Variants in MIDEAS observed in about 807,000 individuals in gnomAD.
The protein encoded by MIDEAS is mitotic deacetylase-associated SANT domain protein.
A neutral mutation model predicts 102.7 loss-of-function variants in MIDEAS; 26 were observed. The observed-to-expected ratio is 0.25, with a 90% CI of 0.19 to 0.35. MIDEAS has a LOEUF of 0.35. MIDEAS is among the 10% of genes least tolerant of loss of function. MIDEAS has a pLI of 1.00. For missense variants in MIDEAS, 1,231 were observed against 1,435.6 expected, an observed-to-expected ratio of 0.86 and a Z score of 2.30; for synonymous variants, 585 against 591.0, an observed-to-expected ratio of 0.99 and a Z score of 0.15.
At position 73,738,645 on chromosome 14, in the gene MIDEAS, C is replaced by T. The variant is rs1366821759; in HGVS notation, c.1364G>A (p.Arg455Gln). ...VLRGGVIQST[R>Q]RRRRASQEAN... ...CTCCTGGGATGCCCGGCGCCTCCGT[C>T]GCGTGCTCTGGATCACTCCGCCCCG... The change falls in exon 2 of 13, where the codon CGA becomes CAA. Residue 455 changes from arginine (R) to glutamine (Q), a missense_variant. Around this residue, in one of 5 missense-constraint regions of MIDEAS, gnomAD observed 758 missense variants for 856.0 expected, o/e 0.89. Transcript: ENST00000423556. The T allele has an allele frequency of 1.9e-6, 3 of 1,613,658 alleles. No homozygotes were observed. Among genetic ancestry groups the T allele is most frequent in the Non-Finnish European group, 2.5e-6 (3 of 1,179,848 alleles).
chr14:73,769,589 TTTTTG>T (rs71460918), intron 1 of MIDEAS, among the ~76,000 whole-genome samples: 65 of 150,160 alleles, frequency 4.3e-4, no homozygotes, highest in East Asian at 1.2e-3. Context: ...TGCAAGAGGG[TTTTTG>T]TTTTGTTTTG....
chr14:73,726,640 G>C lies in MIDEAS; in HGVS notation c.2373C>G (p.Ala791=), dbSNP rs1239429537. The C allele has an allele frequency of 1.9e-6, 3 of 1,614,230 alleles. No homozygotes were observed. The highest frequency in any genetic ancestry group is 2.5e-6 in the Non-Finnish European group (3 of 1,180,044). The change falls in exon 7 of 13, where the codon GCC becomes GCG. Residue 791 remains alanine, a synonymous_variant. Transcript: ENST00000423556. ...CTCTGGATTCGTGCAGACAGTGCAG[G>C]GCCAGCTCCTGGTTGGTGCCAGCAC... ...FPGAGTNQEL[A]LHCLHESRGD... is the part of the protein sequence containing the mutation.
At chr14:73,719,090 T>C in intron 12 of MIDEAS, 82 bp from the exon 13 acceptor site, 1 of 1,448,418 alleles carries the variant, frequency 6.9e-7, no homozygotes, top group South Asian at 1.5e-5. Flanking sequence ...GCCCCAGCCT[T>C]CACCTTCACC....
intron 1 of MIDEAS, among the ~76,000 whole-genome samples, chr14:73,744,264 C>G (rs2053320877): frequency 6.6e-6 from 1 of 152,240 alleles, no homozygotes; most frequent in Non-Finnish European, 1.5e-5. Context: ...AGCCAGAGAG[C>G]CATCACCACA....
At chr14:73,769,916 T>TG (rs2053627591) in intron 1 of MIDEAS, among the ~76,000 whole-genome samples, 4 of 148,440 alleles carry the variant, frequency 2.7e-5, no homozygotes, top group South Asian at 4.3e-4. Flanking sequence ...TTTTTTTTGT[T>TG]TTTTTTTTTT....
intron 3 of MIDEAS, among the ~76,000 whole-genome samples, chr14:73,735,929 G>A (rs1443412439): frequency 6.6e-6 from 1 of 152,178 alleles, no homozygotes. Flanking sequence ...GGCCAAGGCG[G>A]GCAGGTCACT....
chr14:73,751,479 A>G (rs976176203), intron 1 of MIDEAS, among the ~76,000 whole-genome samples: 1 of 152,168 alleles, frequency 6.6e-6, no homozygotes, highest in Non-Finnish European at 1.5e-5. Flanking sequence ...TTTGAAGGTG[A>G]AGAGGCTACA....
intron 1 of MIDEAS, among the ~76,000 whole-genome samples, chr14:73,753,590 G>A (rs543828038): frequency 5.9e-5 from 9 of 152,338 alleles, no homozygotes; most frequent in African/African-American, 2.2e-4. Flanking sequence ...TCCCTTGCTG[G>A]GTAGGGGTGG....
At chr14:73,726,153 C>T (rs777338633) in intron 7 of MIDEAS, 45 bp from the exon 8 acceptor site, 5 of 1,456,458 alleles carry the variant, frequency 3.4e-6, no homozygotes, top group Admixed American at 3.9e-5. Flanking sequence ...ACAGGGGTGT[C>T]GGTGGTGGAC....
intron 1 of MIDEAS, among the ~76,000 whole-genome samples, chr14:73,756,295 T>TGTGCGCGCGCGC (rs55692592): frequency 3.1e-5 from 4 of 127,626 alleles, no homozygotes; most frequent in South Asian, 5.4e-4. Context: ...TGTGTGTGTG[T>TGTGCGCGCGCGC]GCGCGCGCGC....
chr14:73,720,233 T>C (rs1281055348), intron 11 of MIDEAS, among the ~76,000 whole-genome samples: 1 of 145,860 alleles, frequency 6.9e-6, no homozygotes, highest in Admixed American at 7.1e-5. Context: ...ACTACACACA[T>C]TCCTTTTTTT....
chr14:73,718,010 G>C lies in MIDEAS; in HGVS notation c.*833C>G, dbSNP rs776119971. On this transcript the variant is annotated 3_prime_UTR_variant, in exon 13 of 13. Transcript: ENST00000423556. The stretch of plus-strand genomic sequence containing the variant: ...CCCTTGGCAGCCTCCAGGACCCAAA[G>C]GTATTCAGCCAAAAAGGTGGGAAGC... 1 of 152,394 alleles carries C rather than the reference G, an allele frequency of 6.6e-6. No homozygotes were observed. The highest frequency in any genetic ancestry group is 1.5e-5 in the Non-Finnish European group (1 of 68,182). 9.4% of individuals were successfully genotyped at this position (152,394 alleles called of 1,614,324 possible). A position where few individuals can be genotyped will look rare whatever the true frequency, so the allele number is the denominator to read the frequency against.
intron 7 of MIDEAS, 55 bp from the exon 8 acceptor site, chr14:73,726,163 C>T (rs1483422856): frequency 7.9e-6 from 11 of 1,400,160 alleles, no homozygotes; most frequent in South Asian, 3.7e-5. Context: ...CGGTGGTGGA[C>T]GGAGCATTCT....
upstream of MIDEAS, chr14:73,787,473 C>G (rs1378229505): frequency 6.6e-6 from 1 of 152,264 alleles, no homozygotes; most frequent in Non-Finnish European, 1.5e-5. Flanking sequence ...GAAGTGCGAT[C>G]CGGGGCCCCG....
At position 73,717,832 on chromosome 14, in the gene MIDEAS, C is replaced by T. The variant is rs2052914692; in HGVS notation, c.*1011G>A. 1 of 152,550 alleles carries T rather than the reference C, an allele frequency of 6.6e-6. No individual in the cohort carries two copies. Among genetic ancestry groups the T allele is most frequent in the African/African-American group, 2.4e-5 (1 of 41,426 alleles). 9.4% of individuals were successfully genotyped at this position (152,550 alleles called of 1,614,324 possible). A position where few individuals can be genotyped will look rare whatever the true frequency, so the allele number is the denominator to read the frequency against. On this transcript the variant is annotated 3_prime_UTR_variant, in exon 13 of 13. Transcript: ENST00000423556. ...CTCCCAGGGAAGGATCCAGAAATCT[C>T]CAAAGTGCAGGCCTGGGGGCTGGGT...
chr14:73,762,534 C>T (rs1011019946), upstream of MIDEAS, among the ~76,000 whole-genome samples: 3 of 152,174 alleles, frequency 2.0e-5, no homozygotes, highest in Admixed American at 1.3e-4. Context: ...CCAAATAGCC[C>T]CCCCTTGGCA....
chr14:73,737,070 A>G lies in MIDEAS; in HGVS notation c.1677T>C (p.Ala559=). 1 of 1,614,176 alleles carries G rather than the reference A, an allele frequency of 6.2e-7. No homozygotes were observed. The highest frequency in any genetic ancestry group is 8.5e-7 in the Non-Finnish European group (1 of 1,180,036). ...EDGKGPEQNP[A]EHKPSVIVTR... The stretch of plus-strand genomic sequence containing the variant: ...TGACGATGACTGATGGCTTGTGCTC[A>G]GCAGGGTTCTGTTCAGGACCCTTCC... Residue 559 remains alanine, a synonymous_variant, in exon 3 of 13, where the codon GCT becomes GCC. Coordinates refer to ENST00000423556, the MANE Select transcript of MIDEAS (RefSeq NM_001367710.1).
chr14:73,756,267 AGTGTGTGT>A (rs772519833), intron 1 of MIDEAS, among the ~76,000 whole-genome samples: 5 of 141,038 alleles, frequency 3.5e-5, no homozygotes, highest in African/African-American at 5.2e-5. Flanking sequence ...AGCCCATGTC[AGTGTGTGT>A]GTGTGTGTGT....
upstream of MIDEAS, among the ~76,000 whole-genome samples, chr14:73,788,319 C>T (rs1431106296): frequency 2.0e-5 from 3 of 152,174 alleles, no homozygotes; most frequent in East Asian, 3.8e-4. Flanking sequence ...TACTGCTTCT[C>T]CTAGCACATT....
Sources: allele counts gnomAD v4.1 joint callset (sites outside exome capture counted in the v4.1 genomes callset), GRCh38; gene constraint gnomAD v4.1.1; regional missense constraint gnomAD v4.1.1; transcripts MANE v1.5; gene names NCBI Gene and HGNC (gene_info 2026-07-23, HGNC 2026-07-21).